RAB28: variants seen among roughly 807,000 people sequenced by gnomAD.
RAB28 encodes the protein RAB28, member RAS oncogene family, also known as ras-related protein Rab-28.
Under a neutral mutation model 31.7 loss-of-function variants are expected in RAB28, and 24 were observed. That is an observed-to-expected ratio of 0.76 (90% CI 0.55 to 1.06). The LOEUF (loss-of-function observed/expected upper bound fraction) is 1.06. RAB28 is among the 50% of genes least tolerant of loss of function. RAB28 has a pLI of 0.00. For synonymous variants in RAB28, 100 were observed against 90.4 expected (o/e 1.11, Z -0.60); for missense variants, 254 against 258.5 (o/e 0.98, Z 0.12).
chr4:13,402,406 T>C (rs1711818702), intron 4 of RAB28, among the ~76,000 whole-genome samples: 1 of 152,238 alleles, frequency 6.6e-6, no homozygotes, highest in Non-Finnish European at 1.5e-5. Flanking sequence ...TTCTATCAGT[T>C]TTTGCTTTGT....
chr4:13,462,734 G>A (rs146937810), intron 3 of RAB28, among the ~76,000 whole-genome samples: 25 of 152,230 alleles, frequency 1.6e-4, no homozygotes, highest in East Asian at 1.2e-3. Flanking sequence ...AAAATCACTC[G>A]TCTGGTTCAT....
intron 5 of RAB28, among the ~76,000 whole-genome samples, chr4:13,381,236 G>C (rs574770689): frequency 1.3e-5 from 2 of 152,194 alleles, no homozygotes; most frequent in East Asian, 1.9e-4. Flanking sequence ...GAGGTTATGA[G>C]TGGTTATCTC....
At chr4:13,387,759 T>A (rs11946083) in intron 4 of RAB28, among the ~76,000 whole-genome samples, 2,593 of 152,142 alleles carry the variant, frequency 0.017, 82 homozygotes, top group African/African-American at 0.059. Context: ...TCAAAAAAAA[T>A]TTTATTTGCA....
chr4:13,428,520 C>A (rs929216232), intron 4 of RAB28, among the ~76,000 whole-genome samples: 1 of 152,130 alleles, frequency 6.6e-6, no homozygotes, highest in South Asian at 2.1e-4. Flanking sequence ...TCAATAAGCA[C>A]TTTTTAAATG....
At chr4:13,388,372 A>C (rs1212185039) in intron 4 of RAB28, among the ~76,000 whole-genome samples, 3 of 152,000 alleles carry the variant, frequency 2.0e-5, no homozygotes, top group African/African-American at 7.2e-5. Context: ...ATTAACTCAA[A>C]ATCAATTAAA....
At chr4:13,446,485 C>T (rs778511362) in intron 4 of RAB28, among the ~76,000 whole-genome samples, 3 of 152,154 alleles carry the variant, frequency 2.0e-5, no homozygotes, top group Admixed American at 6.5e-5. Context: ...AACCCGGGGC[C>T]CTGGTGGTGT....
At chr4:13,401,957 T>G (rs1476048594) in intron 4 of RAB28, among the ~76,000 whole-genome samples, 1 of 152,248 alleles carries the variant, frequency 6.6e-6, no homozygotes, top group East Asian at 1.9e-4. Flanking sequence ...CATAAAGTTT[T>G]AAATGTAGTC....
chr4:13,413,253 C>T (rs1387189132), intron 4 of RAB28, among the ~76,000 whole-genome samples: 4 of 152,092 alleles, frequency 2.6e-5, no homozygotes, highest in Non-Finnish European at 5.9e-5. Context: ...ATCTTTGGGA[C>T]ATACTGACAA....
intron 6 of RAB28, among the ~76,000 whole-genome samples, chr4:13,374,293 C>T (rs1241488678): frequency 1.3e-5 from 2 of 152,020 alleles, no homozygotes; most frequent in Non-Finnish European, 2.9e-5. Flanking sequence ...GGGTAGGGAA[C>T]TATGTAGTTA....
intron 4 of RAB28, among the ~76,000 whole-genome samples, chr4:13,390,853 T>C (rs2108890435): frequency 6.6e-6 from 1 of 152,294 alleles, no homozygotes. Context: ...GCTAGCCATA[T>C]CTAGAAAGGT....
At chr4:13,395,725 G>T (rs894686448) in intron 4 of RAB28, among the ~76,000 whole-genome samples, 3 of 152,020 alleles carry the variant, frequency 2.0e-5, no homozygotes, top group African/African-American at 4.8e-5. Context: ...TGATAGATTT[G>T]TATCAGCTCT....
chr4:13,451,658 C>T (rs1714974216), intron 4 of RAB28, among the ~76,000 whole-genome samples: 1 of 151,850 alleles, frequency 6.6e-6, no homozygotes, highest in African/African-American at 2.4e-5. Context: ...TTTTCCCAGA[C>T]AAATGTCCTG....
At chr4:13,454,005 T>G (rs1715152490) in intron 4 of RAB28, among the ~76,000 whole-genome samples, 1 of 152,156 alleles carries the variant, frequency 6.6e-6, no homozygotes, top group Non-Finnish European at 1.5e-5. Flanking sequence ...GCCACAATAA[T>G]CCTATACATT....
intron 4 of RAB28, among the ~76,000 whole-genome samples, chr4:13,458,700 G>T (rs888159494): frequency 6.6e-6 from 1 of 152,084 alleles, no homozygotes. Flanking sequence ...CTTTTATACC[G>T]TATTTTTACT....
intron 3 of RAB28, among the ~76,000 whole-genome samples, chr4:13,466,562 A>G (rs1715854571): frequency 6.6e-6 from 1 of 151,980 alleles, no homozygotes; most frequent in Non-Finnish European, 1.5e-5. Flanking sequence ...CAGTGAGAAT[A>G]TAGAGAAAAG....
intron 6 of RAB28, chr4:13,370,331 GT>G: frequency 1.0e-6 from 1 of 952,972 alleles, no homozygotes; most frequent in Non-Finnish European, 1.2e-6. Context: ...GAATTATGAG[GT>G]TTTTCTATGT....
At chr4:13,454,647 T>C (rs1317197095) in intron 4 of RAB28, among the ~76,000 whole-genome samples, 1 of 151,936 alleles carries the variant, frequency 6.6e-6, no homozygotes, top group Non-Finnish European at 1.5e-5. Context: ...TGAGAGAGTA[T>C]GTGGCAGCGA....
intron 4 of RAB28, among the ~76,000 whole-genome samples, chr4:13,440,839 T>C (rs1714375500): frequency 6.6e-6 from 1 of 151,240 alleles, no homozygotes; most frequent in Non-Finnish European, 1.5e-5. Context: ...TAAGAAGAGA[T>C]AAGGACACGA....
intron 4 of RAB28, among the ~76,000 whole-genome samples, chr4:13,447,015 T>G (rs1714735910): frequency 6.6e-6 from 1 of 152,140 alleles, no homozygotes; most frequent in African/African-American, 2.4e-5. Flanking sequence ...AGGCCCCAAA[T>G]CTTGGCATTA....
Sources: gnomAD v4.1 joint callset for allele counts (sites outside exome capture counted in the v4.1 genomes callset) on GRCh38, gnomAD v4.1.1 for gene constraint, MANE v1.5 for transcripts, NCBI Gene and HGNC (gene_info 2026-07-23, HGNC 2026-07-21) for gene names.